SNX24: variants seen among roughly 807,000 people sequenced by gnomAD.
The protein encoded by SNX24 is sorting nexin 24, also known as sorting nexin-24.
In SNX24, 22 loss-of-function variants were observed where a neutral mutation model predicts 28.7. The ratio of observed to expected loss-of-function variants is 0.77; its 90% confidence interval spans 0.55 to 1.10. The LOEUF (loss-of-function observed/expected upper bound fraction) is 1.10, where lower values mean the gene tolerates loss of function less well. SNX24 is among the 50% of genes least tolerant of loss of function. The pLI is 0.00. For synonymous variants in SNX24, 69 were observed against 71.5 expected (o/e 0.96, Z 0.18); for missense variants, 221 against 201.1 (o/e 1.10, Z -0.60).
intron 3 of SNX24, among the ~76,000 whole-genome samples, chr5:122,991,033 A>T (rs1270457449): frequency 6.6e-6 from 1 of 152,046 alleles, no homozygotes. Context: ...TGTAGCTAGG[A>T]TTACAGGTGC....
intron 1 of SNX24, among the ~76,000 whole-genome samples, chr5:122,915,607 C>T (rs1758124964): frequency 6.6e-6 from 1 of 152,080 alleles, no homozygotes; most frequent in South Asian, 2.1e-4. Flanking sequence ...GCCCGGGTAA[C>T]AAAGCAAGAC....
chr5:122,972,388 G>T (rs1033843086), intron 3 of SNX24, among the ~76,000 whole-genome samples: 1 of 152,188 alleles, frequency 6.6e-6, no homozygotes, highest in African/African-American at 2.4e-5. Flanking sequence ...TATGAGAGAA[G>T]CAGTAGCATA....
intron 2 of SNX24, among the ~76,000 whole-genome samples, chr5:122,944,591 A>C (rs1441281174): frequency 6.6e-6 from 1 of 152,166 alleles, no homozygotes; most frequent in Non-Finnish European, 1.5e-5. Context: ...CTCCCTTCAT[A>C]AAATGTCTGG....
Position 122,939,095 on chromosome 5 carries a change from G to T in SNX24, c.144+2278G>T, listed in dbSNP as rs182183791. Among the ~76,000 whole-genome samples the T allele has an allele frequency of 3.3e-5, 5 of 152,160 alleles. No individual in the cohort carries two copies. The South Asian group carries it at 1.0e-3, about 32-fold the overall frequency. On this transcript the variant is annotated intron_variant, in intron 2 of 6. Coordinates refer to ENST00000261369, the MANE Select transcript of SNX24 (RefSeq NM_014035.4). ...AAATTTAATCAGAGTACTCAGGCTT[G>T]ACTGACTGCTGCTGCCACATCAACA...
chr5:122,857,412 CTT>C (rs35468905), intron 1 of SNX24, among the ~76,000 whole-genome samples: 1 of 145,918 alleles, frequency 6.9e-6, no homozygotes. Flanking sequence ...TATTTGTTAA[CTT>C]TTTTTTTTTT....
At position 122,890,172 on chromosome 5, in the gene SNX24, T is replaced by C. The variant is rs865810229; in HGVS notation, c.60+44479T>C. On this transcript the variant is annotated intron_variant, in intron 1 of 6. Transcript: ENST00000261369. Reference sequence around the variant, plus strand: ...GGAAAACCTTCTTGGGGTATCACATTCAGAGGCACATGGTATCTGTCTGCC... The same window carrying C: ...GGAAAACCTTCTTGGGGTATCACATCCAGAGGCACATGGTATCTGTCTGCC... Among the ~76,000 whole-genome samples the C allele has an allele frequency of 3.9e-5, 6 of 152,280 alleles. No homozygotes were observed. In the South Asian group the frequency reaches 8.3e-4, roughly 21 times the overall value.
chr5:122,917,936 C>T (rs1758252505), intron 1 of SNX24, among the ~76,000 whole-genome samples: 3 of 152,008 alleles, frequency 2.0e-5, no homozygotes, highest in Admixed American at 6.6e-5. Flanking sequence ...AAAAATTAGC[C>T]GGGCATGGTG....
chr5:122,954,552 A>G (rs1760121624), intron 3 of SNX24, among the ~76,000 whole-genome samples: 1 of 146,792 alleles, frequency 6.8e-6, no homozygotes, highest in Non-Finnish European at 1.5e-5. Context: ...ATTTGTTTAT[A>G]TTTGTTTTTT....
chr5:122,885,548 T>C (rs1450660758), intron 1 of SNX24, among the ~76,000 whole-genome samples: 1 of 78,176 alleles, frequency 1.3e-5, no homozygotes, highest in African/African-American at 5.7e-5. Context: ...CACCCATTCT[T>C]ATATCTCTAA....
rs572742935 is a variant in SNX24 at position 122,947,786 on chromosome 5, T to C, written c.249+1627T>C. Among the ~76,000 whole-genome samples, 6 of 152,338 alleles carry C rather than the reference T, an allele frequency of 3.9e-5. No individual in the cohort carries two copies. The South Asian group carries it at 6.2e-4, about 16-fold the overall frequency. The stretch of plus-strand genomic sequence containing the variant: ...GAATAGGTAAACAATGCATTCTTAT[T>C]TGTAAGCCAGATTTTCCATGATATT... On this transcript the variant is annotated intron_variant, in intron 3 of 6. Transcript: ENST00000261369.
At chr5:122,924,374 C>G (rs985897671) in intron 1 of SNX24, among the ~76,000 whole-genome samples, 1 of 152,178 alleles carries the variant, frequency 6.6e-6, no homozygotes, top group Non-Finnish European at 1.5e-5. Flanking sequence ...GATCTGATAA[C>G]TGAGCTCCTA....
intron 3 of SNX24, among the ~76,000 whole-genome samples, chr5:122,952,757 A>G (rs1236078853): frequency 3.9e-5 from 6 of 152,344 alleles, no homozygotes; most frequent in African/African-American, 9.6e-5. Context: ...TAAGATTACA[A>G]TAGGATGCTG....
chr5:123,013,055 C>G (rs772493077), downstream of SNX24, among the ~76,000 whole-genome samples: 1 of 152,190 alleles, frequency 6.6e-6, no homozygotes, highest in Non-Finnish European at 1.5e-5. Flanking sequence ...AAGAGAACAT[C>G]TGTTCAACTC....
chr5:122,889,137 G>A (rs1756842388), intron 1 of SNX24, among the ~76,000 whole-genome samples: 1 of 152,146 alleles, frequency 6.6e-6, no homozygotes, highest in Non-Finnish European at 1.5e-5. Flanking sequence ...CACGCATTGA[G>A]CTACCGTGCC....
chr5:122,890,827 A>G (rs1581711590), intron 1 of SNX24, among the ~76,000 whole-genome samples: 1 of 152,180 alleles, frequency 6.6e-6, no homozygotes, highest in East Asian at 1.9e-4. Context: ...GAAGTACCCA[A>G]TATATCTTTC....
chr5:122,958,962 G>T (rs943997352), intron 3 of SNX24, among the ~76,000 whole-genome samples: 1 of 152,074 alleles, frequency 6.6e-6, no homozygotes, highest in African/African-American at 2.4e-5. Context: ...TTTTCTTTTT[G>T]GGGGTGTCTT....
chr5:122,882,954 C>T (rs1435863194), intron 1 of SNX24, among the ~76,000 whole-genome samples: 1 of 151,748 alleles, frequency 6.6e-6, no homozygotes, highest in Non-Finnish European at 1.5e-5. Context: ...GAAAGCTGGG[C>T]AGGGAGACAG....
At chr5:122,947,146 G>A (rs1759722985) in intron 3 of SNX24, among the ~76,000 whole-genome samples, 3 of 152,126 alleles carry the variant, frequency 2.0e-5, no homozygotes, top group South Asian at 4.1e-4. Flanking sequence ...TCTAAGACAC[G>A]TTACATCAAA....
At chr5:122,912,502 A>T (rs1421826899) in intron 1 of SNX24, among the ~76,000 whole-genome samples, 1 of 152,046 alleles carries the variant, frequency 6.6e-6, no homozygotes, top group South Asian at 2.1e-4. Context: ...AACTTCCAAC[A>T]CTATGTTGAA....
Sources: allele counts gnomAD v4.1 joint callset (sites outside exome capture counted in the v4.1 genomes callset), GRCh38; gene constraint gnomAD v4.1.1; transcripts MANE v1.5; gene names NCBI Gene and HGNC (gene_info 2026-07-23, HGNC 2026-07-21).